Variants in KCNH7 observed in about 807,000 individuals in gnomAD.
KCNH7 encodes potassium voltage-gated channel subfamily H member 7.
A neutral mutation model predicts 120.8 loss-of-function variants in KCNH7; 49 were observed. The observed-to-expected ratio is 0.41, with a 90% CI of 0.32 to 0.51. KCNH7 has a LOEUF of 0.51. Among genes scored for constraint, KCNH7 ranks in the 20% least tolerant of loss-of-function variants. KCNH7 has a pLI of 0.38. For missense variants in KCNH7, 1,097 were observed against 1,446.6 expected (o/e 0.76, Z 3.92); for synonymous variants, 547 against 516.1 (o/e 1.06, Z -0.81).
At chr2:162,412,627 G>T (rs1269543404) in intron 9 of KCNH7, among the ~76,000 whole-genome samples, 1 of 152,108 alleles carries the variant, frequency 6.6e-6, no homozygotes, top group Non-Finnish European at 1.5e-5. Context: ...GCCCATTTAT[G>T]GAGTATTTTT....
At chr2:162,524,711 T>C (rs2105799781) in intron 3 of KCNH7, among the ~76,000 whole-genome samples, 1 of 152,064 alleles carries the variant, frequency 6.6e-6, no homozygotes, top group South Asian at 2.1e-4. Context: ...CTTTTACTCC[T>C]GAATCAGAGA....
chr2:162,511,155 A>T (rs1296262797), intron 5 of KCNH7, among the ~76,000 whole-genome samples: 2 of 151,746 alleles, frequency 1.3e-5, no homozygotes, highest in Non-Finnish European at 3.0e-5. Flanking sequence ...TGAGAAAAAA[A>T]GGTTGGAGAG....
At chr2:162,555,735 G>T (rs1228606018) in intron 2 of KCNH7, among the ~76,000 whole-genome samples, 3 of 151,908 alleles carry the variant, frequency 2.0e-5, no homozygotes, top group Non-Finnish European at 4.4e-5. Context: ...AGTTTCATCA[G>T]TATTTGTTAT....
At chr2:162,811,834 C>A (rs184034700) in intron 2 of KCNH7, among the ~76,000 whole-genome samples, 1 of 152,186 alleles carries the variant, frequency 6.6e-6, no homozygotes, top group East Asian at 1.9e-4. Flanking sequence ...GAAACTAGCA[C>A]TGCATGATTA....
intron 12 of KCNH7, among the ~76,000 whole-genome samples, chr2:162,385,598 C>A (rs1237232871): frequency 2.0e-5 from 3 of 151,866 alleles, no homozygotes; most frequent in African/African-American, 7.2e-5. Context: ...AGGATAATTT[C>A]AGTCCTGAAG....
At chr2:162,518,917 C>A (rs1198321117) in intron 3 of KCNH7, among the ~76,000 whole-genome samples, 1 of 149,750 alleles carries the variant, frequency 6.7e-6, no homozygotes, top group African/African-American at 2.4e-5. Flanking sequence ...CTTTAAAGAG[C>A]AGATGTTAAA....
At chr2:162,732,185 G>A (rs996178762) in intron 2 of KCNH7, among the ~76,000 whole-genome samples, 3 of 152,088 alleles carry the variant, frequency 2.0e-5, no homozygotes, top group Non-Finnish European at 4.4e-5. Flanking sequence ...TGAAGAGGAT[G>A]GCAATACTCT....
chr2:162,578,150 C>A (rs1415854759), intron 2 of KCNH7, among the ~76,000 whole-genome samples: 1 of 151,956 alleles, frequency 6.6e-6, no homozygotes, highest in Non-Finnish European at 1.5e-5. Flanking sequence ...GGATGTTTTA[C>A]ACAGAAATTG....
intron 2 of KCNH7, among the ~76,000 whole-genome samples, chr2:162,627,312 A>G (rs1683595316): frequency 6.6e-6 from 1 of 152,152 alleles, no homozygotes; most frequent in Non-Finnish European, 1.5e-5. Flanking sequence ...AGAGGTTGAG[A>G]TTGTGAAAAT....
intron 2 of KCNH7, among the ~76,000 whole-genome samples, chr2:162,667,153 G>T (rs1276669183): frequency 2.0e-5 from 3 of 151,458 alleles, no homozygotes; most frequent in Admixed American, 1.3e-4. Flanking sequence ...CTGAGTAGCT[G>T]GGACTATAGG....
At chr2:162,520,682 T>G (rs142639202) in intron 3 of KCNH7, among the ~76,000 whole-genome samples, 1 of 151,848 alleles carries the variant, frequency 6.6e-6, no homozygotes, top group Admixed American at 6.6e-5. Context: ...AGTGGGAGGA[T>G]AGATTGAGCC....
At chr2:162,469,856 G>A (rs548493708) in intron 6 of KCNH7, among the ~76,000 whole-genome samples, 7 of 152,280 alleles carry the variant, frequency 4.6e-5, no homozygotes, top group South Asian at 4.1e-4. Flanking sequence ...GCAGGCGCGC[G>A]CCGCCACGCC....
intron 12 of KCNH7, among the ~76,000 whole-genome samples, chr2:162,388,220 T>G (rs1053475173): frequency 4.6e-5 from 7 of 151,774 alleles, no homozygotes; most frequent in Non-Finnish European, 1.0e-4. Context: ...AAGATGGATA[T>G]TGGTTTAAAG....
chr2:162,700,569 T>C (rs566765903), intron 2 of KCNH7, among the ~76,000 whole-genome samples: 5 of 151,926 alleles, frequency 3.3e-5, no homozygotes, highest in Non-Finnish European at 7.4e-5. Flanking sequence ...GAATTCTACA[T>C]GAAAAAAAAT....
rs756166377 is a variant in KCNH7 at position 162,504,628 on chromosome 2, G to C, written c.943C>G (p.Leu315Val). Residue 315 changes from leucine (L) to valine (V), a missense_variant, in exon 6 of 16, where the codon CTG becomes GTG. Transcript: ENST00000332142. The part of the protein sequence containing the change: ...GPFNHIKSSL[L>V]GSTSDSNLNK... ...AGGTTTGAATCTGATGTGGATCCCAGGAGGCTTGACTTGATATGATTAAAA... is the reference window on the plus strand; with the variant it reads ...AGGTTTGAATCTGATGTGGATCCCACGAGGCTTGACTTGATATGATTAAAA... 4.3e-6 allele frequency: 7 copies of C among 1,612,154 alleles called. No homozygotes were observed. Among genetic ancestry groups the C allele is most frequent in the Non-Finnish European group, 5.9e-6 (7 of 1,178,700 alleles).
At chr2:162,413,290 A>C (rs1157322074) in intron 9 of KCNH7, among the ~76,000 whole-genome samples, 2 of 151,986 alleles carry the variant, frequency 1.3e-5, no homozygotes, top group African/African-American at 4.8e-5. Flanking sequence ...CACCACGACC[A>C]GCTAATTTTT....
At chr2:162,549,912 A>G (rs1384688149) in intron 2 of KCNH7, among the ~76,000 whole-genome samples, 2 of 152,188 alleles carry the variant, frequency 1.3e-5, no homozygotes, top group African/African-American at 4.8e-5. Flanking sequence ...CCCAAATTTC[A>G]GTTGACAGGA....
Position 162,549,778 on chromosome 2 carries a change from T to G in KCNH7, c.308-12698A>C, listed in dbSNP as rs114174201. 1.9e-3 allele frequency among the ~76,000 whole-genome samples: 292 copies of G among 152,356 alleles called. 2 individuals are homozygous for G. The highest frequency in any genetic ancestry group is 6.9e-3 in the African/African-American group (285 of 41,582). ...AGATTCATTTTCCTTACTGTTGTTATAGTTTGCTAGAGATTAATAAAACAG... is the reference window on the plus strand; with the variant it reads ...AGATTCATTTTCCTTACTGTTGTTAGAGTTTGCTAGAGATTAATAAAACAG... On this transcript the variant is annotated intron_variant, in intron 2 of 15. Transcript: ENST00000332142.
At chr2:162,776,048 G>T (rs1683223405) in intron 2 of KCNH7, among the ~76,000 whole-genome samples, 1 of 152,188 alleles carries the variant, frequency 6.6e-6, no homozygotes, top group Non-Finnish European at 1.5e-5. Flanking sequence ...ACACATATTG[G>T]CTGTCAATTA....
Sources: allele counts gnomAD v4.1 joint callset (sites outside exome capture counted in the v4.1 genomes callset), GRCh38; gene constraint gnomAD v4.1.1; transcripts MANE v1.5; gene names NCBI Gene and HGNC (gene_info 2026-07-23, HGNC 2026-07-21).